The following NEBL variants were observed in gnomAD, a reference collection of about 807,000 sequenced individuals.
NEBL encodes nebulette.
A neutral mutation model predicts 140.2 loss-of-function variants in NEBL; 122 were observed. The ratio of observed to expected loss-of-function variants is 0.87; its 90% CI spans 0.75 to 1.01. The LOEUF is 1.01. NEBL is among the 50% of genes least tolerant of loss of function. The probability of loss-of-function intolerance (pLI) is 0.00; values close to 1 mark genes in which losing one functional copy is unlikely to be tolerated. For synonymous variants in NEBL, 436 were observed against 398.9 expected (o/e 1.09, Z -1.11); for missense variants, 1,365 against 1,231.3 (o/e 1.11, Z -1.62).
intron 17 of NEBL, among the ~76,000 whole-genome samples, chr10:20,827,589 G>C (rs1282463860): frequency 6.6e-6 from 1 of 152,174 alleles, no homozygotes; most frequent in Non-Finnish European, 1.5e-5. Flanking sequence ...CAGAAGTCAA[G>C]TTTATACATT....
intron 4 of NEBL, among the ~76,000 whole-genome samples, chr10:20,927,032 A>C (rs892209507): frequency 2.0e-5 from 3 of 152,210 alleles, no homozygotes; most frequent in African/African-American, 7.2e-5. Flanking sequence ...GTGGTGGTGG[A>C]AAGAAAGGAT....
intron 5 of NEBL, among the ~76,000 whole-genome samples, chr10:20,871,190 T>C (rs1022586405): frequency 6.6e-6 from 1 of 152,220 alleles, no homozygotes; most frequent in Non-Finnish European, 1.5e-5. Context: ...CTTAATTACA[T>C]TGTGTACAAA....
At chr10:21,192,409 G>A (rs1841588055) in intron 3 of NEBL, among the ~76,000 whole-genome samples, 1 of 151,588 alleles carries the variant, frequency 6.6e-6, no homozygotes, top group East Asian at 2.0e-4. Context: ...AGCCAGGATG[G>A]TCTCAATCTC....
rs376697026 is a variant in NEBL, at chr10:20,961,831, C to G, written c.250-52G>C. Reference sequence around the variant, plus strand: ...GAACAGAGGGATCACGAATCCCACTCGGGATAGGCTGGGCCAACGAAGCTG... The same window carrying G: ...GAACAGAGGGATCACGAATCCCACTGGGGATAGGCTGGGCCAACGAAGCTG... On this transcript the variant is annotated intron_variant, in intron 3 of 6. Transcript: ENST00000417816. 4 of 1,391,018 alleles carry G rather than the reference C, an allele frequency of 2.9e-6. No individual in the cohort carries two copies. In the African/African-American group the frequency reaches 5.7e-5, roughly 20 times the overall value. 86.2% of individuals were successfully genotyped at this position (1,391,018 alleles called of 1,614,324 possible).
At chr10:20,894,116 A>T (rs1308439480) in intron 2 of NEBL, among the ~76,000 whole-genome samples, 1 of 152,200 alleles carries the variant, frequency 6.6e-6, no homozygotes, top group African/African-American at 2.4e-5. Context: ...AAGAAGTCCA[A>T]AGAGTAACAA....
chr10:20,928,141 A>C (rs1035289480), intron 4 of NEBL, among the ~76,000 whole-genome samples: 4 of 152,222 alleles, frequency 2.6e-5, no homozygotes, highest in African/African-American at 9.6e-5. Context: ...TACTTACAGC[A>C]CATCTCAATC....
chr10:20,869,874 T>C, intron 5 of NEBL, 33 bp from the exon 6 acceptor site: 1 of 1,330,942 alleles, frequency 7.5e-7, no homozygotes, highest in Non-Finnish European at 1.1e-6. Context: ...AAAAAATAAA[T>C]AAATTAGTAA....
chr10:21,240,177 T>A (rs1386564283), intron 3 of NEBL, among the ~76,000 whole-genome samples: 3 of 152,228 alleles, frequency 2.0e-5, no homozygotes, highest in Admixed American at 6.5e-5. Flanking sequence ...CCAGCTAAGT[T>A]ACCGACAAAA....
intron 3 of NEBL, among the ~76,000 whole-genome samples, chr10:21,245,471 G>A (rs1214596724): frequency 1.3e-5 from 2 of 152,130 alleles, no homozygotes; most frequent in African/African-American, 4.8e-5. Context: ...AGGGAAGTAG[G>A]GATTTATCCT....
At chr10:21,277,100 G>T (rs1308576505) in intron 1 of NEBL, among the ~76,000 whole-genome samples, 1 of 151,820 alleles carries the variant, frequency 6.6e-6, no homozygotes, top group Non-Finnish European at 1.5e-5. Context: ...CTGTACTCCA[G>T]CCTGAGTCAC....
At chr10:20,811,676 C>G (rs557871307) in intron 24 of NEBL, among the ~76,000 whole-genome samples, 2 of 152,294 alleles carry the variant, frequency 1.3e-5, no homozygotes, top group East Asian at 3.9e-4. Context: ...AAAGACATTA[C>G]CCTGTCAAAT....
chr10:20,857,927 C>A lies in NEBL; in HGVS notation c.903+313G>T, dbSNP rs530094228. Among the ~76,000 whole-genome samples the A allele has an allele frequency of 4.6e-5, 7 of 152,128 alleles. No individual in the cohort carries two copies. The South Asian group carries it at 8.3e-4, about 18-fold the overall frequency. ...AGTAAAATATCCCTGACTTGAGAGC[C>A]TGAACTTCAAGTGGCTTTAATCTAA... On this transcript the variant is annotated intron_variant, in intron 9 of 27. Coordinates refer to ENST00000377122, the MANE Select transcript of NEBL (RefSeq NM_006393.3).
chr10:20,888,498 T>G (rs767198919), intron 3 of NEBL, among the ~76,000 whole-genome samples: 3 of 152,228 alleles, frequency 2.0e-5, no homozygotes, highest in Non-Finnish European at 4.4e-5. Context: ...ATATTGACAG[T>G]TTCATGCTGG....
chr10:21,055,692 T>C (rs569063891), intron 2 of NEBL, among the ~76,000 whole-genome samples: 7 of 152,332 alleles, frequency 4.6e-5, no homozygotes, highest in African/African-American at 1.7e-4. Context: ...TGAACATGTC[T>C]GGCACAAAGT....
Position 20,819,436 on chromosome 10 carries a change from C to T in NEBL, c.2043G>A (p.Glu681=), listed in dbSNP as rs763968575. 39 of 1,614,074 alleles carry T rather than the reference C, an allele frequency of 2.4e-5. No individual in the cohort carries two copies. The highest frequency in any genetic ancestry group is 3.2e-5 in the Non-Finnish European group (38 of 1,179,990). Residue 681 remains glutamate (E), a synonymous_variant, in exon 20 of 28, where the codon GAG becomes GAA. Transcript: ENST00000377122. Reference sequence around the variant, plus strand: ...AGAAACGACTTGCCGCACTCAGCTGCTCCTGGTTTCGCCTCACTCTCTCTA... The same window carrying T: ...AGAAACGACTTGCCGCACTCAGCTGTTCCTGGTTTCGCCTCACTCTCTCTA... The part of the protein sequence containing the change: ...PEIERVRRNQ[E]QLSAVKYKGE...
intron 26 of NEBL, among the ~76,000 whole-genome samples, chr10:20,805,756 C>T (rs576027071): frequency 5.9e-5 from 9 of 151,822 alleles, no homozygotes; most frequent in East Asian, 1.9e-4. Context: ...AGGAGGCTGA[C>T]GCAGGAGAAC....
chr10:20,886,606 T>C lies in NEBL; in HGVS notation c.369+1491A>G, dbSNP rs565008785. ...AGGGTTAGAAATGGTAGGAAAAATA[T>C]AGCATAGTGTGTGGTTAAAAACCTA... is the stretch of plus-strand genomic sequence containing the variant. On this transcript the variant is annotated intron_variant, in intron 4 of 27. Transcript: ENST00000377122. Among the ~76,000 whole-genome samples the C allele has an allele frequency of 6.8e-4, 103 of 152,206 alleles. 1 individual carries two copies. Among genetic ancestry groups the C allele is most frequent in the Non-Finnish European group, 1.1e-3 (77 of 68,000 alleles).
chr10:21,202,651 A>T (rs1841759084), intron 3 of NEBL, among the ~76,000 whole-genome samples: 1 of 150,762 alleles, frequency 6.6e-6, no homozygotes, highest in South Asian at 2.1e-4. Context: ...TATAGTAGAG[A>T]CGGGGTTTCA....
chr10:20,960,455 T>G (rs1275758773), intron 4 of NEBL, among the ~76,000 whole-genome samples: 2 of 152,034 alleles, frequency 1.3e-5, no homozygotes, highest in African/African-American at 4.8e-5. Flanking sequence ...ATTCAACTCT[T>G]TTTCTTCAAA....
Sources: allele counts gnomAD v4.1 joint callset (sites outside exome capture counted in the v4.1 genomes callset), GRCh38; gene constraint gnomAD v4.1.1; transcripts MANE v1.5; gene names NCBI Gene and HGNC (gene_info 2026-07-23, HGNC 2026-07-21).